PSD3: variants seen among roughly 807,000 people sequenced by gnomAD.
PSD3 encodes the protein PH and SEC7 domain-containing protein 3.
In PSD3, 49 loss-of-function variants were observed where a neutral mutation model predicts 105.5. The ratio of observed to expected loss-of-function variants is 0.46; its 90% CI spans 0.37 to 0.59. The LOEUF (loss-of-function observed/expected upper bound fraction) is 0.59. PSD3 is among the 20% of genes least tolerant of loss of function. The pLI, the probability that PSD3 is intolerant of heterozygous loss-of-function variation, is 0.00. For missense variants in PSD3, 1,561 were observed against 1,263.8 expected (o/e 1.24, Z -3.57); for synonymous variants, 557 against 457.8 (o/e 1.22, Z -2.77).
intron 6 of PSD3, among the ~76,000 whole-genome samples, chr8:18,802,908 A>C (rs1200975107): frequency 6.6e-6 from 1 of 152,246 alleles, no homozygotes; most frequent in South Asian, 2.1e-4. Flanking sequence ...ATATTGTTGC[A>C]AACAGTTTTA....
chr8:18,643,385 C>T (rs528634377), intron 10 of PSD3, among the ~76,000 whole-genome samples: 99 of 152,280 alleles, frequency 6.5e-4, no homozygotes, highest in African/African-American at 2.3e-3. Flanking sequence ...CATTTCATCA[C>T]AGTGACCCCA....
chr8:18,827,490 C>A (rs571412571), intron 4 of PSD3, among the ~76,000 whole-genome samples: 2 of 151,818 alleles, frequency 1.3e-5, no homozygotes, highest in Non-Finnish European at 2.9e-5. Context: ...TAAGTGGGTA[C>A]GAAAAATGGC....
At chr8:18,735,276 GC>G (rs1475435082) in intron 9 of PSD3, among the ~76,000 whole-genome samples, 1 of 152,102 alleles carries the variant, frequency 6.6e-6, no homozygotes, top group African/African-American at 2.4e-5. Flanking sequence ...AAATAATGGT[GC>G]CCAAAAACAA....
chr8:18,863,191 A>G (rs888671470), intron 4 of PSD3, among the ~76,000 whole-genome samples: 5 of 152,206 alleles, frequency 3.3e-5, no homozygotes, highest in African/African-American at 7.2e-5. Context: ...CCCAAGTTCA[A>G]TGGAAATGGA....
chr8:18,781,887 T>G (rs1381849040), intron 8 of PSD3, among the ~76,000 whole-genome samples: 2 of 152,176 alleles, frequency 1.3e-5, no homozygotes, highest in Non-Finnish European at 2.9e-5. Context: ...CGTTTTTATT[T>G]TTTTTAAAAA....
At position 18,799,350 on chromosome 8, in the gene PSD3, C is replaced by A; in HGVS notation, c.2027G>T (p.Gly676Val). 1 of 1,599,922 alleles carries A rather than the reference C, an allele frequency of 6.3e-7. No homozygotes were observed. Among genetic ancestry groups the A allele is most frequent in the South Asian group, 1.1e-5 (1 of 90,526 alleles). ...CNPDTIASQD[G>V]VHCLTCAIML... The stretch of plus-strand genomic sequence containing the variant: ...TATTGCACAGGTAAGGCAATGGACT[C>A]CATCTAAAGAAAGATACAAGAAAAA... Residue 676 changes from glycine (G) to valine (V), a missense_variant, in exon 8 of 16, where the codon GGA becomes GTA. Gly to Val is a moderately radical substitution (Grantham distance 109, BLOSUM62 -3). Coordinates refer to ENST00000327040, the MANE Select transcript of PSD3 (RefSeq NM_015310.4).
intron 9 of PSD3, among the ~76,000 whole-genome samples, chr8:18,746,799 A>G (rs1667689333): frequency 6.6e-6 from 1 of 152,212 alleles, no homozygotes; most frequent in African/African-American, 2.4e-5. Context: ...GTTACTGTTT[A>G]TACTTTCCAC....
intron 9 of PSD3, among the ~76,000 whole-genome samples, chr8:18,732,483 C>A (rs1162355349): frequency 1.3e-5 from 2 of 152,184 alleles, no homozygotes; most frequent in African/African-American, 2.4e-5. Context: ...TGTCTCAACC[C>A]CATGTGCTAA....
Position 18,527,844 on chromosome 8 carries a change from G to C in PSD3, c.*7899C>G, listed in dbSNP as rs1177253019. 6.6e-6 allele frequency: 1 copy of C among 152,286 alleles called. No homozygotes were observed. Among genetic ancestry groups the C allele is most frequent in the Admixed American group, 6.5e-5 (1 of 15,272 alleles). 9.4% of individuals were successfully genotyped at this position (152,286 alleles called of 1,614,324 possible). ...CAGCTTACCCAAAACTGCTAATGCCGACAGTTTCGCCATTGAAAAGGAGCA... is the reference window on the plus strand; with the variant it reads ...CAGCTTACCCAAAACTGCTAATGCCCACAGTTTCGCCATTGAAAAGGAGCA... On this transcript the variant is annotated 3_prime_UTR_variant, in exon 16 of 16. Transcript: ENST00000327040.
intron 14 of PSD3, among the ~76,000 whole-genome samples, chr8:18,558,022 C>A (rs1287973827): frequency 3.3e-5 from 5 of 152,146 alleles, no homozygotes; most frequent in Non-Finnish European, 5.9e-5. Context: ...TGTGTGCAAG[C>A]ACCAATGGAA....
chr8:18,587,347 T>C (rs1803268866), intron 12 of PSD3, among the ~76,000 whole-genome samples: 3 of 152,136 alleles, frequency 2.0e-5, no homozygotes, highest in African/African-American at 7.2e-5. Context: ...AACAGTTCTT[T>C]CGTAAATGGG....
At chr8:18,616,259 T>C (rs999616063) in intron 11 of PSD3, among the ~76,000 whole-genome samples, 3 of 152,256 alleles carry the variant, frequency 2.0e-5, no homozygotes, top group Non-Finnish European at 4.4e-5. Flanking sequence ...GTCCAGTGCG[T>C]TCAAGTGCTC....
At chr8:18,568,910 T>A (rs1487817997) in intron 14 of PSD3, among the ~76,000 whole-genome samples, 1 of 148,802 alleles carries the variant, frequency 6.7e-6, no homozygotes, top group Non-Finnish European at 1.5e-5. Context: ...CCTGTGTCCA[T>A]GTGATCTCAC....
At chr8:18,760,535 G>A (rs142294416) in intron 9 of PSD3, among the ~76,000 whole-genome samples, 2 of 152,106 alleles carry the variant, frequency 1.3e-5, no homozygotes, top group East Asian at 1.9e-4. Context: ...TTAGTGAAAC[G>A]TCCTCCAGAT....
At chr8:18,577,722 G>A (rs1043688927) in intron 12 of PSD3, among the ~76,000 whole-genome samples, 13 of 151,980 alleles carry the variant, frequency 8.6e-5, no homozygotes, top group African/African-American at 3.1e-4. Flanking sequence ...ATAAGACTTT[G>A]AAAAATGTTT....
intron 10 of PSD3, among the ~76,000 whole-genome samples, chr8:18,636,008 T>C (rs1425496801): frequency 2.0e-5 from 3 of 152,260 alleles, no homozygotes; most frequent in Non-Finnish European, 4.4e-5. Context: ...TGTATACCTA[T>C]GTAACAAACC....
At chr8:18,761,966 G>C (rs1373192833) in intron 9 of PSD3, among the ~76,000 whole-genome samples, 1 of 152,184 alleles carries the variant, frequency 6.6e-6, no homozygotes, top group East Asian at 1.9e-4. Flanking sequence ...ATGTAGTTGA[G>C]AGGGGTAAAT....
intron 2 of PSD3, among the ~76,000 whole-genome samples, chr8:18,884,781 T>C (rs1434368523): frequency 1.3e-5 from 2 of 152,210 alleles, no homozygotes; most frequent in Non-Finnish European, 2.9e-5. Context: ...TACTAATGAT[T>C]CAGAACCCAA....
chr8:19,074,053 G>T (rs28627605), intron 1 of PSD3, among the ~76,000 whole-genome samples: 3,127 of 152,190 alleles, frequency 0.021, 107 homozygotes, highest in African/African-American at 0.071. Context: ...CCCTCCCAAA[G>T]TGCCGAGATT....
Sources: gnomAD v4.1 joint callset for allele counts (sites outside exome capture counted in the v4.1 genomes callset) on GRCh38, gnomAD v4.1.1 for gene constraint, MANE v1.5 for transcripts, NCBI Gene and HGNC (gene_info 2026-07-23, HGNC 2026-07-21) for gene names.